Variants in SLIT3 observed in about 807,000 individuals in gnomAD.
SLIT3 encodes slit guidance ligand 3.
A neutral mutation model predicts 184.0 loss-of-function variants in SLIT3; 68 were observed. The ratio of observed to expected loss-of-function variants is 0.37; its 90% CI spans 0.30 to 0.45. The LOEUF (loss-of-function observed/expected upper bound fraction) is 0.45, where lower values mean the gene tolerates loss of function less well. SLIT3 is among the 20% of genes least tolerant of loss of function. The pLI is 1.00. For missense variants in SLIT3, 1,707 were observed against 2,026.0 expected (o/e 0.84, Z 3.02); for synonymous variants, 831 against 828.6 (o/e 1.00, Z -0.05).
intron 21 of SLIT3, 80 bp downstream of exon 21, chr5:168,724,334 TTC>T: frequency 8.8e-7 from 1 of 1,132,340 alleles, no homozygotes; most frequent in Non-Finnish European, 1.3e-6. Flanking sequence ...TGCAGCTCTG[TTC>T]TCTCTTACCA....
chr5:169,101,647 T>C (rs1263962115), intron 4 of SLIT3, among the ~76,000 whole-genome samples: 1 of 152,172 alleles, frequency 6.6e-6, no homozygotes, highest in Non-Finnish European at 1.5e-5. Context: ...GCTAAAAGAA[T>C]CTCTCAATAA....
chr5:169,194,910 G>T (rs139195661), intron 3 of SLIT3, among the ~76,000 whole-genome samples: 15 of 152,282 alleles, frequency 9.9e-5, no homozygotes, highest in African/African-American at 3.6e-4. Context: ...ACGCCCTGCT[G>T]CATGCTAGCC....
intron 32 of SLIT3, among the ~76,000 whole-genome samples, chr5:168,675,234 C>T (rs1761370928): frequency 6.6e-6 from 1 of 152,148 alleles, no homozygotes; most frequent in South Asian, 2.1e-4. Context: ...CTTCCTCTCT[C>T]CTTGAATTCT....
chr5:169,124,284 T>A (rs960834789), intron 4 of SLIT3, among the ~76,000 whole-genome samples: 4 of 152,322 alleles, frequency 2.6e-5, no homozygotes, highest in East Asian at 1.9e-4. Flanking sequence ...ATTTTGTATC[T>A]TTTAACTCCA....
At chr5:169,284,937 G>T (rs1229075930) in intron 1 of SLIT3, among the ~76,000 whole-genome samples, 1 of 151,838 alleles carries the variant, frequency 6.6e-6, no homozygotes, top group Non-Finnish European at 1.5e-5. Context: ...TGGAGACAGG[G>T]TCACACTCTG....
intron 3 of SLIT3, among the ~76,000 whole-genome samples, chr5:169,201,776 T>A (rs1251927765): frequency 4.6e-5 from 7 of 152,202 alleles, no homozygotes; most frequent in Admixed American, 2.6e-4. Flanking sequence ...TTAACTCCCT[T>A]GACCCAGCAG....
Position 169,188,204 on chromosome 5 carries a change from C to A in SLIT3, c.413+5275G>T, listed in dbSNP as rs1360618360. Among the ~76,000 whole-genome samples, 4 of 152,326 alleles carry A rather than the reference C, an allele frequency of 2.6e-5. No homozygotes were observed. In the East Asian group the frequency reaches 7.7e-4, roughly 29 times the overall value. On this transcript the variant is annotated intron_variant, in intron 4 of 35. Transcript: ENST00000519560. ...GAACTCCTGAGCTCAGGCAATCCGA[C>A]TGCCTTGGCCTCCCAAACTGCTTAG...
intron 5 of SLIT3, among the ~76,000 whole-genome samples, chr5:168,851,820 C>T (rs1758690162): frequency 6.6e-6 from 1 of 152,208 alleles, no homozygotes; most frequent in Non-Finnish European, 1.5e-5. Flanking sequence ...GCATTTCATT[C>T]CCTCAACCAT....
chr5:169,060,088 G>A (rs141192168), intron 4 of SLIT3, among the ~76,000 whole-genome samples: 15 of 152,348 alleles, frequency 9.8e-5, no homozygotes, highest in East Asian at 7.7e-4. Flanking sequence ...AACTTCCAGT[G>A]TCTAGAACTG....
intron 3 of SLIT3, among the ~76,000 whole-genome samples, chr5:169,229,898 G>A (rs899827640): frequency 6.6e-6 from 1 of 152,178 alleles, no homozygotes; most frequent in Non-Finnish European, 1.5e-5. Context: ...GAGAAGGTGA[G>A]AAATTCGAGG....
At chr5:169,081,594 C>A (rs1376548974) in intron 4 of SLIT3, among the ~76,000 whole-genome samples, 1 of 152,020 alleles carries the variant, frequency 6.6e-6, no homozygotes, top group African/African-American at 2.4e-5. Flanking sequence ...GAAGGGGATG[C>A]TAGGCTGCAG....
chr5:168,670,131 A>T, intron 34 of SLIT3, 140 bp from the exon 35 acceptor site: 1 of 706,138 alleles, frequency 1.4e-6, no homozygotes, highest in Non-Finnish European at 2.4e-6. Flanking sequence ...TAGGCTGAGC[A>T]TCTCTTTTCT....
chr5:168,869,133 T>A (rs1759419742), intron 5 of SLIT3, among the ~76,000 whole-genome samples: 1 of 152,192 alleles, frequency 6.6e-6, no homozygotes, highest in South Asian at 2.1e-4. Flanking sequence ...AAGCTGGAAA[T>A]CCAGACTTTC....
intron 4 of SLIT3, among the ~76,000 whole-genome samples, chr5:169,160,664 A>G (rs891371763): frequency 6.6e-6 from 1 of 152,246 alleles, no homozygotes; most frequent in Non-Finnish European, 1.5e-5. Flanking sequence ...GGAGGAATGA[A>G]TCAAGTGATA....
chr5:168,702,292 G>A (rs868572505), intron 26 of SLIT3, among the ~76,000 whole-genome samples: 1 of 152,216 alleles, frequency 6.6e-6, no homozygotes, highest in Admixed American at 6.5e-5. Flanking sequence ...AACCCTATGA[G>A]ATTGGTGTGA....
intron 20 of SLIT3, among the ~76,000 whole-genome samples, chr5:168,738,454 A>T (rs1306285902): frequency 6.6e-6 from 1 of 152,244 alleles, no homozygotes; most frequent in African/African-American, 2.4e-5. Context: ...AGATGTACAC[A>T]CACAGCATGT....
At chr5:169,137,333 C>CAG (rs1324720274) in intron 4 of SLIT3, among the ~76,000 whole-genome samples, 68 of 129,442 alleles carry the variant, frequency 5.3e-4, no homozygotes, top group African/African-American at 1.8e-3. Flanking sequence ...CACACACACA[C>CAG]ACAGAGAGAG....
chr5:169,144,307 G>A (rs903724588), intron 4 of SLIT3, among the ~76,000 whole-genome samples: 1 of 152,048 alleles, frequency 6.6e-6, no homozygotes, highest in Non-Finnish European at 1.5e-5. Context: ...TCCCGATCTC[G>A]GCCCCCAAGT....
chr5:168,727,181 G>A (rs1763158203), intron 20 of SLIT3, among the ~76,000 whole-genome samples: 1 of 152,078 alleles, frequency 6.6e-6, no homozygotes, highest in Admixed American at 6.5e-5. Context: ...TTAACTAGGT[G>A]TGGTGGTGCA....
Sources: gnomAD v4.1 joint callset for allele counts (sites outside exome capture counted in the v4.1 genomes callset) on GRCh38, gnomAD v4.1.1 for gene constraint, MANE v1.5 for transcripts, NCBI Gene and HGNC (gene_info 2026-07-23, HGNC 2026-07-21) for gene names.